RXRA: variants seen among roughly 807,000 people sequenced by gnomAD.
The protein encoded by RXRA is retinoid X receptor alpha.
In RXRA, 5 loss-of-function variants were observed where a neutral mutation model predicts 44.5. That is an observed-to-expected ratio of 0.11 (90% confidence interval 0.06 to 0.24). The LOEUF is 0.24. Among genes scored for constraint, RXRA ranks in the 10% least tolerant of loss-of-function variants. The probability of loss-of-function intolerance (pLI) is 1.00; values close to 1 mark genes in which losing one functional copy is unlikely to be tolerated. For synonymous variants in RXRA, 291 were observed against 271.4 expected (o/e 1.07, Z -0.71); for missense variants, 412 against 646.5 (o/e 0.64, Z 3.93).
At chr9:134,394,029 CCTCT>C (rs1049519511) in intron 1 of RXRA, among the ~76,000 whole-genome samples, 29 of 145,318 alleles carry the variant, frequency 2.0e-4, no homozygotes, top group African/African-American at 7.4e-4. Context: ...AACTTGTCAA[CCTCT>C]CTGTCTAGGC....
At chr9:134,379,704 C>A in intron 1 of RXRA, 1 of 985,418 alleles carries the variant, frequency 1.0e-6, no homozygotes, top group Non-Finnish European at 1.2e-6. Context: ...GATGAGAAAA[C>A]CTGAGGCCCA....
Position 134,407,621 on chromosome 9 carries a change from G to A in RXRA, c.280-528G>A, listed in dbSNP as rs936585740. Among the ~76,000 whole-genome samples the A allele has an allele frequency of 2.0e-5, 3 of 152,116 alleles. No homozygotes were observed. The highest frequency in any genetic ancestry group is 4.4e-5 in the Non-Finnish European group (3 of 68,022). On this transcript the variant is annotated intron_variant, in intron 2 of 9. Transcript: ENST00000481739. This position sits in a 1 kb window ranked among gnomAD's most constrained non-coding sequence, Gnocchi z 4.8. ...TGTCCACTCCCCTCTCCTGGGTCAC[G>A]TGACCAGGGCCCCTGCCCTGCGGTG...
At chr9:134,394,266 A>T (rs1384445460) in intron 1 of RXRA, among the ~76,000 whole-genome samples, 4 of 94,704 alleles carry the variant, frequency 4.2e-5, no homozygotes, top group Non-Finnish European at 9.4e-5. Flanking sequence ...GATGACGGTG[A>T]TGTTGATGGC....
Position 134,434,095 on chromosome 9 carries a change from C to T in RXRA, c.1136-7C>T. 6.2e-7 allele frequency: 1 copy of T among 1,611,714 alleles called. No homozygotes were observed. Among genetic ancestry groups the T allele is most frequent in the Non-Finnish European group, 8.5e-7 (1 of 1,178,416 alleles). ...GAGGGTTCTGACCTGTGGCTTCTTC[C>T]TTTCAGACTCCAAGGGGCTCTCGAA... On this transcript the variant is annotated splice_polypyrimidine_tract_variant and splice_region_variant and intron_variant, in intron 8 of 9. Coordinates refer to ENST00000481739, the MANE Select transcript of RXRA (RefSeq NM_002957.6).
intron 7 of RXRA, among the ~76,000 whole-genome samples, chr9:134,430,722 T>C (rs1831519168): frequency 6.6e-6 from 1 of 152,186 alleles, no homozygotes; most frequent in Admixed American, 6.5e-5. Flanking sequence ...GGATATGGCT[T>C]TGGGAAGCGA....
chr9:134,381,778 C>T lies in RXRA; in HGVS notation c.29-19854C>T, dbSNP rs1002630405. ...TTAGGGCTTTGAAGGGGCTTCACTG[C>T]AAATTAGCCCCGACCTCCCCGGGGT... On this transcript the variant is annotated intron_variant, in intron 1 of 9. Coordinates refer to ENST00000481739, the MANE Select transcript of RXRA (RefSeq NM_002957.6). Among the ~76,000 whole-genome samples, 4 of 152,120 alleles carry T rather than the reference C, an allele frequency of 2.6e-5. No individual in the cohort carries two copies. The South Asian group carries it at 8.3e-4, about 31-fold the overall frequency.
At chr9:134,389,729 G>A (rs1348687053) in intron 1 of RXRA, among the ~76,000 whole-genome samples, 3 of 152,304 alleles carry the variant, frequency 2.0e-5, no homozygotes, top group African/African-American at 7.2e-5. Context: ...GCTGGCAGAC[G>A]TTCCTGCGGG....
chr9:134,427,734 G>A (rs759423612), intron 6 of RXRA, among the ~76,000 whole-genome samples: 10 of 152,216 alleles, frequency 6.6e-5, no homozygotes, highest in Non-Finnish European at 1.0e-4. Flanking sequence ...GAGCTGGCAC[G>A]GTGGTCCCCA....
intron 6 of RXRA, among the ~76,000 whole-genome samples, chr9:134,427,660 A>C (rs1831456997): frequency 6.6e-6 from 1 of 151,960 alleles, no homozygotes; most frequent in Admixed American, 6.6e-5. Flanking sequence ...GGACGGTGAC[A>C]CCTGCCCCCG....
rs1013741414 is a variant in RXRA at position 134,381,965 on chromosome 9, C to T, written c.29-19667C>T. Among the ~76,000 whole-genome samples the T allele has an allele frequency of 5.3e-5, 8 of 152,130 alleles. No individual in the cohort carries two copies. The South Asian group carries it at 8.3e-4, about 16-fold the overall frequency. On this transcript the variant is annotated intron_variant, in intron 1 of 9. Coordinates refer to ENST00000481739, the MANE Select transcript of RXRA (RefSeq NM_002957.6). ...CTGTGGGCAGGTGAAGCCACCGCTCCCTCGGTGTAGCAGTCAGTGTGCCCT... is the reference window on the plus strand; with the variant it reads ...CTGTGGGCAGGTGAAGCCACCGCTCTCTCGGTGTAGCAGTCAGTGTGCCCT...
At chr9:134,389,785 A>G (rs532581314) in intron 1 of RXRA, among the ~76,000 whole-genome samples, 2 of 152,164 alleles carry the variant, frequency 1.3e-5, no homozygotes, top group Non-Finnish European at 2.9e-5. Flanking sequence ...CAGAGACTCC[A>G]TAGCTGCAGC....
At chr9:134,422,063 C>T in intron 6 of RXRA, 1 of 1,392,970 alleles carries the variant, frequency 7.2e-7, no homozygotes. Flanking sequence ...CTCCCCTCTC[C>T]CAGGACGCTC....
At position 134,335,485 on chromosome 9, in the gene RXRA, C is replaced by T. The variant is rs1322330448; in HGVS notation, c.28+8826C>T. Among the ~76,000 whole-genome samples, 4 of 152,186 alleles carry T rather than the reference C, an allele frequency of 2.6e-5. No homozygotes were observed. The South Asian group carries it at 6.2e-4, about 24-fold the overall frequency. The stretch of plus-strand genomic sequence containing the variant: ...TATGGGGAAGGGATGCCCGTGCGGG[C>T]GTAAGTAGGGGCTTCCCTGGAGGGT... On this transcript the variant is annotated intron_variant, in intron 1 of 9. Coordinates refer to ENST00000481739, the MANE Select transcript of RXRA (RefSeq NM_002957.6).
intron 1 of RXRA, among the ~76,000 whole-genome samples, chr9:134,396,637 G>A (rs778595973): frequency 3.3e-5 from 5 of 152,068 alleles, no homozygotes; most frequent in Admixed American, 6.5e-5. Context: ...ATCGCAGGCC[G>A]AGCTCCTCCC....
intron 1 of RXRA, among the ~76,000 whole-genome samples, chr9:134,384,701 G>A (rs577027597): frequency 1.6e-3 from 243 of 152,280 alleles, no homozygotes; most frequent in African/African-American, 5.7e-3. Flanking sequence ...CGGCCTGGGG[G>A]CGAGGGTTCT....
intron 1 of RXRA, among the ~76,000 whole-genome samples, chr9:134,391,072 G>A (rs910582864): frequency 7.2e-5 from 11 of 152,248 alleles, no homozygotes; most frequent in Admixed American, 2.6e-4. Flanking sequence ...AAGCACCGGT[G>A]CCCCCATCTG....
At chr9:134,432,488 G>A (rs1831548118) in intron 8 of RXRA, among the ~76,000 whole-genome samples, 1 of 152,210 alleles carries the variant, frequency 6.6e-6, no homozygotes, top group Non-Finnish European at 1.5e-5. Flanking sequence ...CAGGGCTTGG[G>A]GCTGTGGGGC....
chr9:134,342,571 T>A lies in RXRA; in HGVS notation c.28+15912T>A, dbSNP rs1564261766. Among the ~76,000 whole-genome samples the A allele has an allele frequency of 6.6e-6, 1 of 152,102 alleles. No homozygotes were observed. The highest frequency in any genetic ancestry group is 1.9e-4 in the East Asian group (1 of 5,168). ...CAGTGGGTTGGTGCAGGCAGAGTGGTAACAGCAAGCTGTGGGCAAGGGACT... is the reference window on the plus strand; with the variant it reads ...CAGTGGGTTGGTGCAGGCAGAGTGGAAACAGCAAGCTGTGGGCAAGGGACT... On this transcript the variant is annotated intron_variant, in intron 1 of 9. Transcript: ENST00000481739. The surrounding 1 kb of genome is among the most constrained non-coding windows in gnomAD (Gnocchi z 4.4).
chr9:134,427,060 A>G (rs1831445629), intron 6 of RXRA: 2 of 981,018 alleles, frequency 2.0e-6, no homozygotes, highest in African/African-American at 1.8e-5. Flanking sequence ...ATTTGGGGCA[A>G]ACCCTTCCCC....
Sources: gnomAD v4.1 joint callset for allele counts (sites outside exome capture counted in the v4.1 genomes callset) on GRCh38, gnomAD v4.1.1 for gene constraint, Gnocchi (gnomAD v3.1) non-coding constraint, MANE v1.5 for transcripts, NCBI Gene and HGNC (gene_info 2026-07-23, HGNC 2026-07-21) for gene names.